Variants in NID2 observed in about 807,000 individuals in gnomAD.
NID2 encodes the protein nidogen 2.
NID2 carries 83 observed loss-of-function variants against 145.4 expected under a neutral mutation model. The observed-to-expected ratio is 0.57, with a 90% CI of 0.48 to 0.69. The LOEUF is 0.69. Ranked by LOEUF, NID2 falls within the 30% of genes least tolerant of loss-of-function variation. The pLI is 0.00. For missense variants in NID2, 1,807 were observed against 1,765.7 expected (o/e 1.02, Z -0.42); for synonymous variants, 739 against 701.3 (o/e 1.05, Z -0.85).
At chr14:52,056,460 C>T (rs1337053434) in intron 3 of NID2, among the ~76,000 whole-genome samples, 1 of 152,098 alleles carries the variant, frequency 6.6e-6, no homozygotes, top group African/African-American at 2.4e-5. Flanking sequence ...ATGCCTTCCT[C>T]CCTGGGTTGT....
chr14:52,044,651 C>T (rs1341690060), intron 5 of NID2, among the ~76,000 whole-genome samples: 2 of 152,004 alleles, frequency 1.3e-5, no homozygotes, highest in African/African-American at 4.8e-5. Context: ...TTTGCTCTGT[C>T]ACCCAAGCTG....
At chr14:52,036,283 G>A (rs547186904) in intron 9 of NID2, among the ~76,000 whole-genome samples, 1 of 152,224 alleles carries the variant, frequency 6.6e-6, no homozygotes, top group South Asian at 2.1e-4. Context: ...GCTGTCCTTT[G>A]TCACTGACTA....
intron 11 of NID2, among the ~76,000 whole-genome samples, chr14:52,028,303 C>A (rs967262290): frequency 7.3e-5 from 11 of 150,206 alleles, no homozygotes; most frequent in African/African-American, 2.4e-4. Context: ...GAGACAGAGT[C>A]TCACTCTATT....
chr14:52,008,153 A>C, intron 18 of NID2, 186 bp from the exon 19 acceptor site: 1 of 488,866 alleles, frequency 2.0e-6, no homozygotes, highest in South Asian at 3.7e-5. Context: ...GTGATAGGCT[A>C]TCACTGCCGA....
At chr14:52,060,093 T>C in intron 3 of NID2, 31 bp downstream of exon 3, 1 of 1,486,970 alleles carries the variant, frequency 6.7e-7, no homozygotes. Flanking sequence ...TATATTCAAA[T>C]AGGAAAGGGC....
At chr14:52,037,707 G>T (rs999560437) in intron 9 of NID2, among the ~76,000 whole-genome samples, 2 of 152,162 alleles carry the variant, frequency 1.3e-5, no homozygotes, top group Admixed American at 6.5e-5. Flanking sequence ...TTCTGATAGG[G>T]ATTATGTTGA....
chr14:52,066,170 C>T (rs1238309586), intron 2 of NID2, among the ~76,000 whole-genome samples: 1 of 151,932 alleles, frequency 6.6e-6, no homozygotes, highest in Non-Finnish European at 1.5e-5. Flanking sequence ...CCTAAACCTC[C>T]CCCACCCCAG....
At chr14:52,041,306 T>C (rs1892272025) in intron 7 of NID2, among the ~76,000 whole-genome samples, 1 of 152,194 alleles carries the variant, frequency 6.6e-6, no homozygotes, top group African/African-American at 2.4e-5. Context: ...GAAATACAAA[T>C]TTATCCAGGT....
rs1192320822 is a variant in NID2, at chr14:52,030,577, GGAAAGAAAGA to G, written c.2258-897_2258-888del. ...GAAAGAAAGAAAGAAAGGAAGGAAGGGAAAGAAAGAAAGAAAGAAAGAAAGAAAGAGAAAG... is the reference window on the plus strand; with the variant it reads ...GAAAGAAAGAAAGAAAGGAAGGAAGGAAGAAAGAAAGAAAGAAAGAGAAAG... On this transcript the variant is annotated intron_variant, in intron 9 of 21. Transcript: ENST00000216286. Among the ~76,000 whole-genome samples, 146 of 92,950 alleles carry G rather than the reference GGAAAGAAAGA, an allele frequency of 1.6e-3. 8 individuals carry two copies. The highest frequency in any genetic ancestry group is 3.4e-3 in the South Asian group (8 of 2,384). The allele number at this position is 92,950 out of a possible 152,430, so 61.0% of individuals were successfully genotyped here. A position where few individuals can be genotyped will look rare whatever the true frequency, so the allele number is the denominator to read the frequency against.
intron 18 of NID2, chr14:52,010,651 C>G (rs548297576): frequency 1.0e-5 from 5 of 486,088 alleles, no homozygotes. Flanking sequence ...ATTGTTTATA[C>G]CAGTCTTGTT....
chr14:52,019,975 TA>T, intron 13 of NID2, 83 bp downstream of exon 13: 2 of 1,556,578 alleles, frequency 1.3e-6, no homozygotes, highest in Non-Finnish European at 8.7e-7. Flanking sequence ...CAGACCAGGC[TA>T]AATCAAGAGT....
chr14:52,061,249 A>G (rs1038129383), intron 2 of NID2, among the ~76,000 whole-genome samples: 4 of 152,196 alleles, frequency 2.6e-5, no homozygotes, highest in African/African-American at 9.6e-5. Flanking sequence ...GGTGTTTGTG[A>G]TTCCCTATAG....
intron 12 of NID2, among the ~76,000 whole-genome samples, chr14:52,023,892 C>A (rs1021620946): frequency 4.6e-5 from 7 of 152,102 alleles, no homozygotes; most frequent in African/African-American, 1.7e-4. Flanking sequence ...ACTCCCACAC[C>A]CCCTTATTGT....
chr14:52,057,393 T>G, intron 3 of NID2, among the ~76,000 whole-genome samples: 1 of 152,136 alleles, frequency 6.6e-6, no homozygotes, highest in Non-Finnish European at 1.5e-5. Flanking sequence ...GGCATGATGT[T>G]TGTGACTTAC....
rs2140376979 is a variant in NID2 at position 52,029,537 on chromosome 14, T to C, written c.2401+10A>G. The C allele has an allele frequency of 1.2e-6, 2 of 1,603,006 alleles. No individual in the cohort carries two copies. The highest frequency in any genetic ancestry group is 8.5e-7 in the Non-Finnish European group (1 of 1,171,088). Reference sequence around the variant, plus strand: ...GCTACAAGAAGGAGACACGAGAACATGGCTCTTACCCACACAGTTCCGTCC... The same window carrying C: ...GCTACAAGAAGGAGACACGAGAACACGGCTCTTACCCACACAGTTCCGTCC... On this transcript the variant is annotated intron_variant, in intron 10 of 21. Transcript: ENST00000216286.
At chr14:52,061,762 T>C (rs1285991107) in intron 2 of NID2, among the ~76,000 whole-genome samples, 1 of 152,198 alleles carries the variant, frequency 6.6e-6, no homozygotes, top group East Asian at 1.9e-4. Flanking sequence ...GATTTTTGCC[T>C]TTACCTTCAT....
rs749989459 is a variant in NID2, at chr14:52,014,469, G to A, written c.3251-13C>T. 1.3e-6 allele frequency: 2 copies of A among 1,595,288 alleles called. No individual in the cohort carries two copies. The highest frequency in any genetic ancestry group is 1.7e-6 in the Non-Finnish European group (2 of 1,168,864). ...ACGGTGGGTATACCTGTGGGAGAGAGGGTGGGAGAGCAGGAAGGGGAACAA... is the reference window on the plus strand; with the variant it reads ...ACGGTGGGTATACCTGTGGGAGAGAAGGTGGGAGAGCAGGAAGGGGAACAA... On this transcript the variant is annotated splice_polypyrimidine_tract_variant and intron_variant, in intron 15 of 21. Transcript: ENST00000216286.
intron 2 of NID2, among the ~76,000 whole-genome samples, chr14:52,062,005 C>A (rs1162589841): frequency 6.6e-6 from 1 of 152,150 alleles, no homozygotes; most frequent in Non-Finnish European, 1.5e-5. Context: ...CAGACAAACT[C>A]GGGCACAGAG....
At chr14:52,041,251 T>C (rs1892269959) in intron 7 of NID2, among the ~76,000 whole-genome samples, 1 of 152,210 alleles carries the variant, frequency 6.6e-6, no homozygotes, top group African/African-American at 2.4e-5. Flanking sequence ...TAAGTATGTC[T>C]CATGAAATAT....
Sources: allele counts gnomAD v4.1 joint callset (sites outside exome capture counted in the v4.1 genomes callset), GRCh38; gene constraint gnomAD v4.1.1; transcripts MANE v1.5; gene names NCBI Gene and HGNC (gene_info 2026-07-23, HGNC 2026-07-21).